Variants in DIAPH2 observed in about 807,000 individuals in gnomAD.
DIAPH2 encodes the protein diaphanous related formin 2, also known as protein diaphanous homolog 2.
Under a neutral mutation model 92.7 loss-of-function variants are expected in DIAPH2, and 35 were observed. That is an observed-to-expected ratio of 0.38 (90% CI 0.29 to 0.50). DIAPH2 has a LOEUF of 0.50. Ranked by LOEUF, DIAPH2 falls within the 20% of genes least tolerant of loss-of-function variation. DIAPH2 has a pLI of 0.94. For synonymous variants in DIAPH2, 301 were observed against 280.4 expected (o/e 1.07, Z -0.73); for missense variants, 701 against 819.5 (o/e 0.86, Z 1.77).
At chrX:97,500,062 T>C (rs2070784861) in intron 26 of DIAPH2, among the ~76,000 whole-genome samples, 1 of 112,389 alleles carries the variant, frequency 8.9e-6, no homozygotes, top group East Asian at 2.8e-4. Flanking sequence ...TGAACACTTA[T>C]TTTTTCTGAT....
chrX:97,491,275 T>C (rs986119330), intron 26 of DIAPH2, among the ~76,000 whole-genome samples: 3 of 112,167 alleles, frequency 2.7e-5, no homozygotes, highest in Non-Finnish European at 5.6e-5. Flanking sequence ...TTTCTGTCTC[T>C]TTACTTTCAG....
At chrX:97,087,746 C>T (rs1054022459) in intron 19 of DIAPH2, among the ~76,000 whole-genome samples, 1 of 111,792 alleles carries the variant, frequency 8.9e-6, no homozygotes, top group African/African-American at 3.2e-5. Flanking sequence ...TAGCTGTAAC[C>T]TGTCACTCTT....
chrX:97,062,152 A>G (rs955716548), intron 17 of DIAPH2, among the ~76,000 whole-genome samples: 4 of 111,570 alleles, frequency 3.6e-5, no homozygotes, highest in Non-Finnish European at 7.5e-5. Flanking sequence ...GTGTACCTTG[A>G]GGATCCTTTG....
rs143930540 is a variant in DIAPH2 at position 97,128,734 on chromosome X, G to A, written c.2590-12931G>A. On this transcript the variant is annotated intron_variant, in intron 21 of 26. Transcript: ENST00000324765. ...ATTTGTTTTAAATCACCATGGTTTC[G>A]CCTTCTTCTAGAATTTCATATGAAT... Among the ~76,000 whole-genome samples, 936 of 112,230 alleles carry A rather than the reference G, an allele frequency of 8.3e-3. 4 individuals are homozygous for A. The highest frequency in any genetic ancestry group is 0.014 in the Middle Eastern group (3 of 219).
intron 26 of DIAPH2, among the ~76,000 whole-genome samples, chrX:97,583,244 G>A (rs1375446482): frequency 9.0e-6 from 1 of 111,537 alleles, no homozygotes; most frequent in Non-Finnish European, 1.9e-5. Context: ...GAGGAGGAGA[G>A]GCGCTCTGAT....
At chrX:97,373,731 C>G (rs369723865) in intron 24 of DIAPH2, among the ~76,000 whole-genome samples, 1 of 107,291 alleles carries the variant, frequency 9.3e-6, no homozygotes, top group East Asian at 2.9e-4. Flanking sequence ...CTCAGCCTCC[C>G]GAACAGCTGG....
At chrX:97,292,423 A>T (rs748781084) in intron 23 of DIAPH2, among the ~76,000 whole-genome samples, 1 of 112,221 alleles carries the variant, frequency 8.9e-6, no homozygotes, top group Non-Finnish European at 1.9e-5. Flanking sequence ...TGAAATTTGT[A>T]CTACCAGAAA....
chrX:97,596,890 A>T (rs1181146841), intron 26 of DIAPH2, among the ~76,000 whole-genome samples: 1 of 112,327 alleles, frequency 8.9e-6, no homozygotes, highest in African/African-American at 3.2e-5. Flanking sequence ...GAATGTGAAG[A>T]TAAATGAAAT....
Position 96,885,004 on chromosome X carries a change from G to T in DIAPH2, c.587+3286G>T, listed in dbSNP as rs2065249962. On this transcript the variant is annotated intron_variant, in intron 5 of 26. Transcript: ENST00000324765. ...CCGGGCTCAGCTCTGCGACCTTAGC[G>T]TCAAGGCCATCAAGGAAGCGATTGA... The T allele has an allele frequency of 5.8e-6, 7 of 1,210,920 alleles. No individual in the cohort carries two copies. In the East Asian group the frequency reaches 2.1e-4, roughly 36 times the overall value.
At chrX:97,476,805 G>A (rs2070607621) in intron 26 of DIAPH2, among the ~76,000 whole-genome samples, 1 of 104,871 alleles carries the variant, frequency 9.5e-6, no homozygotes, top group Admixed American at 1.1e-4. Context: ...TTAGCCAGGT[G>A]TGGTGGCACA....
intron 26 of DIAPH2, chrX:97,469,740 A>C: frequency 8.3e-7 from 1 of 1,206,937 alleles, no homozygotes; most frequent in Non-Finnish European, 1.1e-6. Flanking sequence ...GATCAGCTAC[A>C]TAAACGGCCT....
At chrX:97,438,428 C>CTGTAGTGCAGTAGGGAGTGGA (rs1569397572) in intron 26 of DIAPH2, among the ~76,000 whole-genome samples, 1 of 87,220 alleles carries the variant, frequency 1.1e-5, no homozygotes. Context: ...TGCAGTGGTG[C>CTGTAGTGCAGTAGGGAGTGGA]GATCACCACT....
intron 22 of DIAPH2, among the ~76,000 whole-genome samples, chrX:97,202,201 C>T (rs1301377984): frequency 8.9e-6 from 1 of 111,915 alleles, no homozygotes; most frequent in African/African-American, 3.2e-5. Context: ...CCAGCCACTA[C>T]AAAAACGTAC....
rs1602681980 is a variant in DIAPH2 at position 97,582,421 on chromosome X, C to A, written c.3242-16832C>A. ...TCTGTAAAGTATTTTATTTCTCCTTCACTTATGAAGCTTAGTTTGGCTGGA... is the reference window on the plus strand; with the variant it reads ...TCTGTAAAGTATTTTATTTCTCCTTAACTTATGAAGCTTAGTTTGGCTGGA... On this transcript the variant is annotated intron_variant, in intron 26 of 26. Coordinates refer to ENST00000324765, the MANE Select transcript of DIAPH2 (RefSeq NM_006729.5). 4.0e-5 allele frequency among the ~76,000 whole-genome samples: 4 copies of A among 100,067 alleles called. No individual in the cohort carries two copies. The Admixed American group carries it at 4.5e-4, about 11-fold the overall frequency. The allele number at this position is 100,067 out of a possible 115,157, so 86.9% of individuals were successfully genotyped here.
chrX:97,353,144 TATACAA>T (rs1283379124), intron 24 of DIAPH2, among the ~76,000 whole-genome samples: 1 of 110,873 alleles, frequency 9.0e-6, no homozygotes, highest in Non-Finnish European at 1.9e-5. Context: ...TTCATAAGTG[TATACAA>T]ATAAATCAAA....
chrX:97,507,141 C>CAAAAAAAAAAAA (rs397896097), intron 26 of DIAPH2, among the ~76,000 whole-genome samples: 36 of 31,120 alleles, frequency 1.2e-3, no homozygotes, highest in African/African-American at 4.7e-3. Context: ...ACAAAACCGA[C>CAAAAAAAAAAAA]AAAAAAAAAA....
intron 25 of DIAPH2, among the ~76,000 whole-genome samples, chrX:97,391,714 T>A (rs1011408581): frequency 9.0e-6 from 1 of 111,438 alleles, no homozygotes; most frequent in Non-Finnish European, 1.9e-5. Flanking sequence ...AGATGTAACT[T>A]AGCAAAAGTA....
intron 24 of DIAPH2, among the ~76,000 whole-genome samples, chrX:97,369,705 G>T (rs1053499916): frequency 1.6e-4 from 18 of 111,452 alleles, no homozygotes; most frequent in African/African-American, 4.9e-4. Context: ...TATCTTGGAA[G>T]ATAGGACAAC....
At chrX:97,362,159 T>G (rs761772129) in intron 24 of DIAPH2, among the ~76,000 whole-genome samples, 1 of 109,715 alleles carries the variant, frequency 9.1e-6, no homozygotes, top group African/African-American at 3.3e-5. Flanking sequence ...GAGAATCTCT[T>G]GAACCCAGGA....
Sources: allele counts gnomAD v4.1 joint callset (sites outside exome capture counted in the v4.1 genomes callset), GRCh38; gene constraint gnomAD v4.1.1; transcripts MANE v1.5; gene names NCBI Gene and HGNC (gene_info 2026-07-23, HGNC 2026-07-21).